Variants in NR5A2 observed in about 807,000 individuals in gnomAD.
NR5A2 encodes nuclear receptor subfamily 5 group A member 2.
A neutral mutation model predicts 62.7 loss-of-function variants in NR5A2; 26 were observed. The observed-to-expected ratio is 0.41, with a 90% CI of 0.30 to 0.58. NR5A2 has a LOEUF of 0.58. NR5A2 is among the 20% of genes least tolerant of loss of function. NR5A2 has a pLI of 0.22. For missense variants in NR5A2, 541 were observed against 669.1 expected (o/e 0.81, Z 2.11); for synonymous variants, 246 against 241.7 (o/e 1.02, Z -0.16).
intron 5 of NR5A2, among the ~76,000 whole-genome samples, chr1:200,078,006 C>T (rs1664119934): frequency 6.6e-6 from 1 of 152,070 alleles, no homozygotes; most frequent in Admixed American, 6.6e-5. Flanking sequence ...CTCATTGAAG[C>T]CTAGTGATAG....
chr1:200,052,648 C>CT (rs35092946), intron 5 of NR5A2, among the ~76,000 whole-genome samples: 12,092 of 147,528 alleles, frequency 0.082, 1,600 homozygotes, highest in African/African-American at 0.28. Flanking sequence ...TTCTCACTCT[C>CT]TTTTTTTTTT....
intron 1 of NR5A2, among the ~76,000 whole-genome samples, chr1:200,030,943 T>C (rs1048782717): frequency 6.6e-6 from 1 of 152,228 alleles, no homozygotes; most frequent in African/African-American, 2.4e-5. Context: ...GCAAGCTCTG[T>C]GCTCATAAGG....
Position 200,116,779 on chromosome 1 carries a change from ATTAT to A in NR5A2, c.1231-4026_1231-4023del, listed in dbSNP as rs1224799193. On this transcript the variant is annotated intron_variant, in intron 6 of 7. Transcript: ENST00000367362. ...TAGTCGCAACTTAGTTATGAAAAGA[ATTAT>A]TTCCTATCCAATATTTTAAAAACTA... Among the ~76,000 whole-genome samples, 4 of 152,244 alleles carry A rather than the reference ATTAT, an allele frequency of 2.6e-5. No individual in the cohort carries two copies. In the East Asian group the frequency reaches 7.7e-4, roughly 29 times the overall value.
intron 6 of NR5A2, among the ~76,000 whole-genome samples, chr1:200,113,879 G>A (rs1404671428): frequency 6.6e-6 from 1 of 151,960 alleles, no homozygotes; most frequent in Non-Finnish European, 1.5e-5. Context: ...AGGAAAAGAG[G>A]ATTTATAAAA....
At chr1:200,083,346 T>C (rs1443903226) in intron 5 of NR5A2, among the ~76,000 whole-genome samples, 1 of 152,240 alleles carries the variant, frequency 6.6e-6, no homozygotes, top group African/African-American at 2.4e-5. Context: ...GTAACAAATG[T>C]CATCATTTGC....
intron 5 of NR5A2, among the ~76,000 whole-genome samples, chr1:200,068,021 G>A (rs1663576543): frequency 6.6e-6 from 1 of 152,140 alleles, no homozygotes; most frequent in Admixed American, 6.5e-5. Flanking sequence ...AATTTCATCC[G>A]ATGTTTGCAT....
At chr1:200,055,278 C>A (rs1428077246) in intron 5 of NR5A2, among the ~76,000 whole-genome samples, 1 of 151,986 alleles carries the variant, frequency 6.6e-6, no homozygotes, top group African/African-American at 2.4e-5. Flanking sequence ...TCACTGCAAC[C>A]TCCACCTCCC....
chr1:200,094,980 AT>A (rs1301521364), intron 5 of NR5A2, among the ~76,000 whole-genome samples: 2 of 152,210 alleles, frequency 1.3e-5, no homozygotes, highest in Non-Finnish European at 1.5e-5. Context: ...TATGTTAAAC[AT>A]AACAAGAAGA....
At chr1:200,057,698 C>T in intron 5 of NR5A2, 1 of 302,420 alleles carries the variant, frequency 3.3e-6, no homozygotes. Context: ...AGGCTGGTCT[C>T]AAAACTCCTG....
Position 200,030,434 on chromosome 1 carries a change from T to C in NR5A2, c.64+2523T>C, listed in dbSNP as rs144804135. ...TTGTTCCTTCTGCCTACCTGCAAGA[T>C]AATCATTCATTGTAGTGTAAAAGCA... On this transcript the variant is annotated intron_variant, in intron 1 of 7. Transcript: ENST00000367362. Among the ~76,000 whole-genome samples the C allele has an allele frequency of 2.2e-3, 340 of 152,354 alleles. 5 individuals are homozygous for C. The highest frequency in any genetic ancestry group is 7.5e-3 in the African/African-American group (313 of 41,580).
At position 200,039,573 on chromosome 1, in the gene NR5A2, C is replaced by A; in HGVS notation, c.65-85C>A. 3 of 1,581,120 alleles carry A rather than the reference C, an allele frequency of 1.9e-6. No homozygotes were observed. The highest frequency in any genetic ancestry group is 1.1e-5 in the South Asian group (1 of 88,904). On this transcript the variant is annotated intron_variant, in intron 1 of 7. Transcript: ENST00000367362. The surrounding 1 kb of genome is among the most constrained non-coding windows in gnomAD (Gnocchi z 5.1). ...CCGAGGAGGCGGAGGCACGCTCCGG[C>A]GAGGCGAGAGGGTTGGGTTAGCAGG...
chr1:200,156,191 G>A (rs1653376139), intron 7 of NR5A2, among the ~76,000 whole-genome samples: 1 of 152,150 alleles, frequency 6.6e-6, no homozygotes, highest in Admixed American at 6.5e-5. Flanking sequence ...GACAGTAATA[G>A]TTCTATAGGG....
At chr1:200,045,816 C>T (rs981923741) in intron 4 of NR5A2, among the ~76,000 whole-genome samples, 3 of 152,024 alleles carry the variant, frequency 2.0e-5, no homozygotes, top group Non-Finnish European at 2.9e-5. Flanking sequence ...CCTGCCCACC[C>T]CCTTTTTTTT....
intron 7 of NR5A2, among the ~76,000 whole-genome samples, chr1:200,153,133 C>CTT (rs1653213098): frequency 6.6e-6 from 1 of 152,174 alleles, no homozygotes; most frequent in Admixed American, 6.5e-5. Flanking sequence ...TTGCATGTTA[C>CTT]TTATATGCAG....
chr1:200,059,412 G>A (rs534092587), intron 5 of NR5A2, among the ~76,000 whole-genome samples: 2 of 152,308 alleles, frequency 1.3e-5, no homozygotes, highest in East Asian at 3.9e-4. Context: ...CAGCTTGTCT[G>A]CCTAGAAGTA....
chr1:200,069,583 A>T (rs888315723), intron 5 of NR5A2, among the ~76,000 whole-genome samples: 2 of 152,222 alleles, frequency 1.3e-5, no homozygotes, highest in African/African-American at 4.8e-5. Flanking sequence ...ATAGCAATAT[A>T]GTATTGCATA....
chr1:200,093,816 G>A (rs774197775), intron 5 of NR5A2, among the ~76,000 whole-genome samples: 6 of 152,088 alleles, frequency 3.9e-5, no homozygotes, highest in African/African-American at 7.2e-5. Flanking sequence ...CCAAACTTTC[G>A]CAAAATTGAA....
chr1:200,037,714 A>G (rs1300908611), intron 1 of NR5A2, among the ~76,000 whole-genome samples: 4 of 152,224 alleles, frequency 2.6e-5, no homozygotes. Flanking sequence ...ACAGGCCTTC[A>G]TAAGTTTAAA....
At chr1:200,038,667 C>T (rs755604969) in intron 1 of NR5A2, 9 of 1,351,410 alleles carry the variant, frequency 6.7e-6, no homozygotes, top group Admixed American at 3.8e-5. Flanking sequence ...CACGCCCACC[C>T]GCGCCCCCAT....
Sources: gnomAD v4.1 joint callset for allele counts (sites outside exome capture counted in the v4.1 genomes callset) on GRCh38, gnomAD v4.1.1 for gene constraint, Gnocchi (gnomAD v3.1) non-coding constraint, MANE v1.5 for transcripts, NCBI Gene and HGNC (gene_info 2026-07-23, HGNC 2026-07-21) for gene names.